The following TRMT11 variants were observed in gnomAD, a reference collection of about 807,000 sequenced individuals.
TRMT11 encodes the protein tRNA (guanine(10)-N(2))-methyltransferase TRMT11.
TRMT11 carries 53 observed loss-of-function variants against 62.8 expected under a neutral mutation model. The observed-to-expected ratio is 0.84, with a 90% CI of 0.68 to 1.06. The LOEUF (loss-of-function observed/expected upper bound fraction) is 1.06, where lower values mean the gene tolerates loss of function less well. Ranked by LOEUF, TRMT11 falls within the 50% of genes least tolerant of loss-of-function variation. TRMT11 has a pLI of 0.00. For synonymous variants in TRMT11, 188 were observed against 190.3 expected (o/e 0.99, Z 0.10); for missense variants, 556 against 553.4 (o/e 1.00, Z -0.05).
chr6:126,104,884 C>A (rs1171495704), intron 17 of TRMT11, among the ~76,000 whole-genome samples: 1 of 152,074 alleles, frequency 6.6e-6, no homozygotes, highest in Non-Finnish European at 1.5e-5. Context: ...ATTGATGGGA[C>A]AAATTGGATC....
intron 17 of TRMT11, among the ~76,000 whole-genome samples, chr6:126,056,899 C>T (rs1246780004): frequency 6.6e-6 from 1 of 152,138 alleles, no homozygotes; most frequent in Non-Finnish European, 1.5e-5. Flanking sequence ...TGTGCCTCCA[C>T]CTGGCCCCAA....
At chr6:126,042,074 T>C (rs1378734921), downstream of TRMT11, among the ~76,000 whole-genome samples, 3 of 152,174 alleles carry the variant, frequency 2.0e-5, no homozygotes, top group Non-Finnish European at 4.4e-5. Flanking sequence ...CTGATGGTGT[T>C]TGTACTTTAC....
the TRMT11 span, chr6:126,258,267 G>C: frequency 7.4e-6 from 4 of 540,088 alleles, no homozygotes; most frequent in African/African-American, 1.9e-5. Context: ...GCCCTGGGGG[G>C]TGGGCTCTGA....
chr6:126,203,270 C>A (rs556290463), downstream of TRMT11, among the ~76,000 whole-genome samples: 14 of 152,282 alleles, frequency 9.2e-5, no homozygotes, highest in African/African-American at 3.4e-4. Flanking sequence ...TTGCAGTGAG[C>A]CCTGCAAATT....
At chr6:125,997,089 T>C (rs952314759) in intron 3 of TRMT11, among the ~76,000 whole-genome samples, 1 of 152,244 alleles carries the variant, frequency 6.6e-6, no homozygotes, top group Non-Finnish European at 1.5e-5. Flanking sequence ...CTAATTCATA[T>C]ATTTGATTAA....
At chr6:126,173,993 G>A (rs951410135), upstream of TRMT11, among the ~76,000 whole-genome samples, 1 of 152,152 alleles carries the variant, frequency 6.6e-6, no homozygotes, top group African/African-American at 2.4e-5. Flanking sequence ...CTGATCCAAG[G>A]TCCTGGCTGC....
the TRMT11 span, among the ~76,000 whole-genome samples, chr6:126,216,492 T>A: frequency 1.3e-5 from 2 of 152,154 alleles, no homozygotes; most frequent in African/African-American, 2.4e-5. Flanking sequence ...ATTCTTCCTG[T>A]TATTGATTTC....
the TRMT11 span, among the ~76,000 whole-genome samples, chr6:126,251,591 G>T: frequency 6.6e-6 from 1 of 152,102 alleles, no homozygotes; most frequent in Non-Finnish European, 1.5e-5. Context: ...GTCAAACTGA[G>T]ATTTTATATC....
the TRMT11 span, among the ~76,000 whole-genome samples, chr6:126,261,257 G>A: frequency 6.6e-6 from 1 of 152,044 alleles, no homozygotes; most frequent in Admixed American, 6.6e-5. Context: ...TTTCAGCTCT[G>A]ATGTTTCTGT....
chr6:125,990,286 G>A (rs1401385308), intron 1 of TRMT11, among the ~76,000 whole-genome samples: 1 of 152,130 alleles, frequency 6.6e-6, no homozygotes, highest in African/African-American at 2.4e-5. Flanking sequence ...CAAGAAGATA[G>A]GAACGCATAG....
chr6:126,211,974 T>G, the TRMT11 span, among the ~76,000 whole-genome samples: 35 of 152,080 alleles, frequency 2.3e-4, no homozygotes, highest in Non-Finnish European at 1.6e-4. Flanking sequence ...TCTCTAAGAG[T>G]TCAATTGCTT....
At position 126,154,339 on chromosome 6, in the gene TRMT11, A is replaced by ATGTATG. The variant is rs543087570; in HGVS notation, c.*1824-20483_*1824-20482insATGTGT. Among the ~76,000 whole-genome samples the ATGTATG allele has an allele frequency of 4.2e-3, 512 of 122,944 alleles. 4 individuals are homozygous for ATGTATG. Among genetic ancestry groups the ATGTATG allele is most frequent in the African/African-American group, 0.013 (460 of 36,074 alleles). The allele number at this position is 122,944 out of a possible 152,430, so 80.7% of individuals were successfully genotyped here. Reference sequence around the variant, plus strand: ...GTAATAAAGATATGTGTGTGTGTGTATGTGTGTGTGTGTGTGTGTGTGTGT... The same window carrying ATGTATG: ...GTAATAAAGATATGTGTGTGTGTGTATGTATGTGTGTGTGTGTGTGTGTGTGTGTGT... On this transcript the variant is annotated intron_variant and NMD_transcript_variant, in intron 21 of 22. Transcript: ENST00000648977.
the TRMT11 span, among the ~76,000 whole-genome samples, chr6:126,271,363 CAAAAAAAAAAA>C: frequency 3.0e-4 from 11 of 36,274 alleles, no homozygotes; most frequent in South Asian, 0.014. Flanking sequence ...GACTCCATCT[CAAAAAAAAAAA>C]AAAAAAAAAA....
At chr6:126,234,050 C>A in the TRMT11 span, among the ~76,000 whole-genome samples, 1 of 152,038 alleles carries the variant, frequency 6.6e-6, no homozygotes, top group Non-Finnish European at 1.5e-5. Context: ...CTGAATTTAA[C>A]ATCATCATCT....
At chr6:126,014,081 A>G (rs1324633434) in intron 11 of TRMT11, among the ~76,000 whole-genome samples, 1 of 152,206 alleles carries the variant, frequency 6.6e-6, no homozygotes, top group Non-Finnish European at 1.5e-5. Flanking sequence ...TTCAGTAACT[A>G]TTAAATATAA....
chr6:126,217,548 C>T, the TRMT11 span, among the ~76,000 whole-genome samples: 1 of 152,152 alleles, frequency 6.6e-6, no homozygotes, highest in African/African-American at 2.4e-5. Flanking sequence ...CTCTGGATTA[C>T]CAGGCAGAAA....
At chr6:125,989,955 G>C (rs1163103912) in intron 1 of TRMT11, among the ~76,000 whole-genome samples, 2 of 152,032 alleles carry the variant, frequency 1.3e-5, no homozygotes, top group African/African-American at 4.8e-5. Context: ...TTTTTACATA[G>C]GAAGTATTCA....
rs1331711966 is a variant in TRMT11, at chr6:126,012,824, C to T, written c.979C>T (p.Pro327Ser). The T allele has an allele frequency of 1.9e-6, 3 of 1,613,544 alleles. No individual in the cohort carries two copies. In the East Asian group the frequency reaches 6.7e-5, roughly 36 times the overall value. The change falls in exon 10 of 13, where the codon CCA (proline) becomes TCA (serine). Residue 327 changes from proline (P) to serine (S), a missense_variant. Coordinates refer to ENST00000334379, the MANE Select transcript of TRMT11 (RefSeq NM_001031712.3). ...AAGAACAGGTTCACAGAAGGAGATACCAAAGGGGATAGAAAAATGGGAAAA... is the reference window on the plus strand; with the variant it reads ...AAGAACAGGTTCACAGAAGGAGATATCAAAGGGGATAGAAAAATGGGAAAA... The part of the protein sequence containing the change: ...TRRTGSQKEI[P>S]KGIEKWEKCP...
At chr6:126,214,597 GATTTA>G in the TRMT11 span, among the ~76,000 whole-genome samples, 1 of 151,740 alleles carries the variant, frequency 6.6e-6, no homozygotes, top group Non-Finnish European at 1.5e-5. Context: ...TTTCATCTCT[GATTTA>G]ATTTATTTGA....
Sources: allele counts gnomAD v4.1 joint callset (sites outside exome capture counted in the v4.1 genomes callset), GRCh38; gene constraint gnomAD v4.1.1; transcripts MANE v1.5; gene names NCBI Gene and HGNC (gene_info 2026-07-23, HGNC 2026-07-21).